RIN1: variants seen among roughly 807,000 people sequenced by gnomAD.
RIN1 encodes Ras and Rab interactor 1.
Under a neutral mutation model 64.9 loss-of-function variants are expected in RIN1, and 52 were observed. That is an observed-to-expected ratio of 0.80 (90% confidence interval 0.64 to 1.01). The LOEUF (loss-of-function observed/expected upper bound fraction) is 1.01. Among genes scored for constraint, RIN1 ranks in the 50% least tolerant of loss-of-function variants. The probability of loss-of-function intolerance (pLI) is 0.00; values close to 1 mark genes in which losing one functional copy is unlikely to be tolerated. For synonymous variants in RIN1, 486 were observed against 483.6 expected (o/e 1.00, Z -0.06); for missense variants, 1,040 against 1,064.5 (o/e 0.98, Z 0.32).
rs201890759 is a variant in RIN1 at position 66,332,456 on chromosome 11, T to C, written c.2172A>G (p.Ala724=). ...ACCCTTGCTCCTCCCCTCTGCTTCTTGCCTCTGACTGCCCACTGCCCTCCT... is the reference window on the plus strand; with the variant it reads ...ACCCTTGCTCCTCCCCTCTGCTTCTCGCCTCTGACTGCCCACTGCCCTCCT... The part of the protein sequence containing the change: ...TEEEGSGQSE[A]RSRGEEQGCQ... Residue 724 remains alanine (A), a synonymous_variant, in exon 10 of 10, where the codon GCA becomes GCG. Transcript: ENST00000311320. 1 of 1,614,202 alleles carries C rather than the reference T, an allele frequency of 6.2e-7. No homozygotes were observed. The highest frequency in any genetic ancestry group is 1.3e-5 in the African/African-American group (1 of 75,062).
intron 5 of RIN1, 40 bp downstream of exon 5, chr11:66,335,367 A>G: frequency 1.3e-6 from 2 of 1,568,902 alleles, no homozygotes. Context: ...CCTCGGCCTC[A>G]GCTTGTTCAT....
chr11:66,333,809 G>T, intron 7 of RIN1, 110 bp downstream of exon 7: 1 of 1,405,380 alleles, frequency 7.1e-7, no homozygotes, highest in Non-Finnish European at 9.5e-7. Context: ...AGGGGAGGGT[G>T]GGCTCATTCT....
intron 5 of RIN1, 67 bp from the exon 6 acceptor site, chr11:66,335,318 G>A: frequency 6.4e-7 from 1 of 1,557,678 alleles, no homozygotes; most frequent in Non-Finnish European, 8.7e-7. Flanking sequence ...CCAAGGCAAG[G>A]CAGGGGCTTC....
rs1179192731 is a variant in RIN1 at position 66,336,406 on chromosome 11, T to C, written c.-4A>G. On this transcript the variant is annotated 5_prime_UTR_variant, in exon 1 of 10. Transcript: ENST00000311320. ...CTGACTCTCCAGGGCTTTCCATGGCTGGGAGCTCCTTCGCTTCAGGAAGAG... is the reference window on the plus strand; with the variant it reads ...CTGACTCTCCAGGGCTTTCCATGGCCGGGAGCTCCTTCGCTTCAGGAAGAG... 6.2e-7 allele frequency: 1 copy of C among 1,611,428 alleles called. No individual in the cohort carries two copies. The highest frequency in any genetic ancestry group is 1.7e-5 in the Admixed American group (1 of 59,756).
intron 9 of RIN1, 96 bp from the exon 10 acceptor site, chr11:66,332,848 C>G (rs1408307864): frequency 4.1e-6 from 4 of 963,996 alleles, no homozygotes; most frequent in Non-Finnish European, 6.1e-6. Flanking sequence ...TGTGCAGGGA[C>G]AGGGTGGGTA....
At chr11:66,334,353 A>G in intron 6 of RIN1, 129 bp from the exon 7 acceptor site, 1 of 1,227,032 alleles carries the variant, frequency 8.1e-7, no homozygotes, top group Non-Finnish European at 1.1e-6. Flanking sequence ...CCTGGGTGAG[A>G]CGGAAGAGTT....
At position 66,332,174 on chromosome 11, in the gene RIN1, C is replaced by T. The variant is rs1426282081; in HGVS notation, c.*102G>A. On this transcript the variant is annotated 3_prime_UTR_variant, in exon 10 of 10. Transcript: ENST00000311320. Reference sequence around the variant, plus strand: ...AACAAGTATCAGACAAAGGTGGTGGCAGACACAGGACAGGGCCCTGGGTGG... The same window carrying T: ...AACAAGTATCAGACAAAGGTGGTGGTAGACACAGGACAGGGCCCTGGGTGG... 8 of 1,035,076 alleles carry T rather than the reference C, an allele frequency of 7.7e-6. No individual in the cohort carries two copies. The highest frequency in any genetic ancestry group is 1.2e-5 in the Non-Finnish European group (8 of 679,926). The allele number at this position is 1,035,076 out of a possible 1,614,324, so 64.1% of individuals were successfully genotyped here.
rs774351033 is a variant in RIN1 at position 66,333,935 on chromosome 11, G to A, written c.1575C>T (p.Ala525=). 12 of 1,542,658 alleles carry A rather than the reference G, an allele frequency of 7.8e-6. No homozygotes were observed. The highest frequency in any genetic ancestry group is 2.7e-5 in the African/African-American group (2 of 73,088). The change falls in exon 7 of 10, where the codon GCC becomes GCT. Residue 525 remains alanine (A), a synonymous_variant. Transcript: ENST00000311320. Reference sequence around the variant, plus strand: ...GGGACATACCTTCCTGGGTCCTCAGGGCCATGTAGAGCAGCTTGCAGGCCT... The same window carrying A: ...GGGACATACCTTCCTGGGTCCTCAGAGCCATGTAGAGCAGCTTGCAGGCCT... The part of the protein sequence containing the change: ...LLQACKLLYM[A]LRTQEGEGAG...
rs1854882275 is a variant in RIN1, at chr11:66,335,887, A to C, written c.268-11T>G. ...CCGCACGAGGAACGTCTGCAAGTGG[A>C]TAGGGCTCAGGCAGCTCAGGACCTT... On this transcript the variant is annotated splice_polypyrimidine_tract_variant and intron_variant, in intron 2 of 9. Transcript: ENST00000311320. The C allele has an allele frequency of 6.4e-7, 1 of 1,556,474 alleles. No individual in the cohort carries two copies. The highest frequency in any genetic ancestry group is 8.7e-7 in the Non-Finnish European group (1 of 1,150,348).
At position 66,336,193 on chromosome 11, in the gene RIN1, A is replaced by G. The variant is rs200216126; in HGVS notation, c.87-35T>C. The G allele has an allele frequency of 4.2e-4, 617 of 1,474,660 alleles. 4 individuals are homozygous for G. The African/African-American group carries it at 8.0e-3, about 19-fold the overall frequency. 91.3% of individuals were successfully genotyped at this position (1,474,660 alleles called of 1,614,324 possible). On this transcript the variant is annotated intron_variant, in intron 1 of 9. Transcript: ENST00000311320. ...GGCACCCAGATCTGAGCAGGGAGCC[A>G]GGGGCTGGGACCCTTGCTCTCCTCT...
In RIN1 at chr11:66,333,997, T is replaced by C; in HGVS notation, c.1513A>G (p.Thr505Ala). The C allele has an allele frequency of 6.4e-7, 1 of 1,564,354 alleles. No homozygotes were observed. The highest frequency in any genetic ancestry group is 8.7e-7 in the Non-Finnish European group (1 of 1,155,032). Residue 505 changes from threonine to alanine, a missense_variant, in exon 7 of 10, where the codon ACC becomes GCC. Coordinates refer to ENST00000311320, the MANE Select transcript of RIN1 (RefSeq NM_004292.3). Reference protein sequence around the residue: ...VRQKLLQLLRTYSPSAQVKRL... With the variant: ...VRQKLLQLLRAYSPSAQVKRL... ...TTGACCTGGGCGCTGGGTGAGTAGG[T>C]GCGGAGCAGCTGCAGCAGCTTCTGG...
Position 66,336,011 on chromosome 11 carries a change from G to C in RIN1, c.234C>G (p.Ala78=), listed in dbSNP as rs763712542. The change falls in exon 2 of 10, where the codon GCC becomes GCG. Residue 78 remains alanine, a synonymous_variant. Transcript: ENST00000311320. ...GCTCGGTCCTCAGCATGTGCAGTGCGGCCGCTGCGTTGGCTTGCAGCTGCA... is the reference window on the plus strand; with the variant it reads ...GCTCGGTCCTCAGCATGTGCAGTGCCGCCGCTGCGTTGGCTTGCAGCTGCA... ...VWLQLQANAA[A]ALHMLRTEPP... is the part of the protein sequence containing the mutation. 8.2e-6 allele frequency: 12 copies of C among 1,468,478 alleles called. No individual in the cohort carries two copies. The highest frequency in any genetic ancestry group is 1.1e-5 in the Non-Finnish European group (12 of 1,108,804). The allele number at this position is 1,468,478 out of a possible 1,614,324, so 91.0% of individuals were successfully genotyped here. A position where few individuals can be genotyped will look rare whatever the true frequency, so the allele number is the denominator to read the frequency against.
chr11:66,333,244 G>A lies in RIN1; in HGVS notation c.1875+14C>T, dbSNP rs760358917. The A allele has an allele frequency of 4.3e-5, 69 of 1,608,788 alleles. No homozygotes were observed. In the East Asian group the frequency reaches 1.5e-3, roughly 35 times the overall value. On this transcript the variant is annotated intron_variant, in intron 9 of 9. Coordinates refer to ENST00000311320, the MANE Select transcript of RIN1 (RefSeq NM_004292.3). The stretch of plus-strand genomic sequence containing the variant: ...TGGCGTCTGGCTCTGAGGACACGGT[G>A]GAGGGCCTGTTACCTGGAAGCAGTG...
intron 5 of RIN1, 56 bp from the exon 6 acceptor site, chr11:66,335,307 A>T: frequency 6.4e-7 from 1 of 1,555,696 alleles, no homozygotes; most frequent in Non-Finnish European, 8.7e-7. Context: ...AAGTTTCCCA[A>T]CCAAGGCAAG....
rs996135004 is a variant in RIN1 at position 66,331,949 on chromosome 11, G to A, written c.*327C>T. On this transcript the variant is annotated 3_prime_UTR_variant, in exon 10 of 10. Transcript: ENST00000311320. Reference sequence around the variant, plus strand: ...GGGAAGGGTAAAAGGAGCTGAGACCGTCACCCTCCCCACGTCAGAGGTTGG... The same window carrying A: ...GGGAAGGGTAAAAGGAGCTGAGACCATCACCCTCCCCACGTCAGAGGTTGG... The A allele has an allele frequency of 1.5e-5, 6 of 395,296 alleles. No individual in the cohort carries two copies. The highest frequency in any genetic ancestry group is 3.2e-5 in the South Asian group (1 of 31,590). The allele number at this position is 395,296 out of a possible 1,614,324, so 24.5% of individuals were successfully genotyped here.
At chr11:66,334,443 G>C (rs555975589) in intron 6 of RIN1, 71 bp downstream of exon 6, 1 of 1,550,770 alleles carries the variant, frequency 6.4e-7, no homozygotes, top group African/African-American at 1.3e-5. Context: ...GAATCAGACA[G>C]GCTGGCGCTG....
chr11:66,335,228 T>C lies in RIN1; in HGVS notation c.571A>G (p.Ile191Val), dbSNP rs1391416629. The C allele has an allele frequency of 2.5e-6, 4 of 1,576,414 alleles. No individual in the cohort carries two copies. The South Asian group carries it at 4.6e-5, about 18-fold the overall frequency. Reference protein sequence around the residue: ...GIEFWSSSLNIKAQRGPAGGP... With the variant: ...GIEFWSSSLNVKAQRGPAGGP... The stretch of plus-strand genomic sequence containing the variant: ...CCAGCCGGGCCCCGCTGAGCCTTGA[T>C]GTTGAGGGAGGAGCTCCAGAACTCT... The change falls in exon 6 of 10, where the codon ATC (isoleucine) becomes GTC (valine). Residue 191 changes from isoleucine (I) to valine (V), a missense_variant. Physicochemically the swap from Ile to Val is conservative, Grantham distance 29 (BLOSUM62 3). Coordinates refer to ENST00000311320, the MANE Select transcript of RIN1 (RefSeq NM_004292.3).
upstream of RIN1, chr11:66,336,484 G>A (rs138266430): frequency 4.8e-4 from 601 of 1,258,428 alleles, 4 homozygotes; most frequent in African/African-American, 7.6e-3. Flanking sequence ...CACTTCCTGA[G>A]GGCGGTCCGC....
At position 66,334,764 on chromosome 11, in the gene RIN1, A is replaced by G. The variant is rs1590920049; in HGVS notation, c.1035T>C (p.Pro345=). 1 of 1,549,220 alleles carries G rather than the reference A, an allele frequency of 6.5e-7. No homozygotes were observed. Among genetic ancestry groups the G allele is most frequent in the Non-Finnish European group, 8.7e-7 (1 of 1,147,196 alleles). ...AGGCGGCGCTCATGGACCGAAGCAG[A>G]GGTCGTCGGCGGCCCAGGTGGGGTG... ...ATSPHLGRRR[P]LLRSMSAAFC... Residue 345 remains proline, a synonymous_variant, in exon 6 of 10, where the codon CCT becomes CCC. Coordinates refer to ENST00000311320, the MANE Select transcript of RIN1 (RefSeq NM_004292.3).
Sources: gnomAD v4.1 joint callset for allele counts on GRCh38, gnomAD v4.1.1 for gene constraint, MANE v1.5 for transcripts, NCBI Gene and HGNC (gene_info 2026-07-23, HGNC 2026-07-21) for gene names.